The following SLIT2 variants were observed in gnomAD, a reference collection of about 807,000 sequenced individuals.
The protein encoded by SLIT2 is slit homolog 2 protein.
SLIT2 carries 41 observed loss-of-function variants against 185.7 expected under a neutral mutation model. The ratio of observed to expected loss-of-function variants is 0.22; its 90% CI spans 0.17 to 0.29. SLIT2 has a LOEUF of 0.29. Among genes scored for constraint, SLIT2 ranks in the 10% least tolerant of loss-of-function variants. SLIT2 has a pLI of 1.00. For synonymous variants in SLIT2, 693 were observed against 680.2 expected (o/e 1.02, Z -0.29); for missense variants, 1,571 against 1,909.0 (o/e 0.82, Z 3.30).
intron 11 of SLIT2, 68 bp downstream of exon 11, chr4:20,511,205 T>C (rs1719677313): frequency 1.1e-6 from 1 of 890,960 alleles, no homozygotes; most frequent in Non-Finnish European, 1.8e-6. Flanking sequence ...TTTTTTAAAT[T>C]GGGGTTTAAA....
intron 4 of SLIT2, among the ~76,000 whole-genome samples, chr4:20,395,623 C>T (rs1198347609): frequency 6.6e-6 from 1 of 151,774 alleles, no homozygotes; most frequent in Non-Finnish European, 1.5e-5. Flanking sequence ...AAATAGTATA[C>T]CAAAAAAGCA....
intron 1 of SLIT2, among the ~76,000 whole-genome samples, chr4:20,255,434 A>G (rs754834735): frequency 1.3e-5 from 2 of 152,148 alleles, no homozygotes; most frequent in Non-Finnish European, 2.9e-5. Context: ...GTGCCTTGTC[A>G]GGATTCGATC....
intron 29 of SLIT2, among the ~76,000 whole-genome samples, chr4:20,574,549 G>A (rs1725913924): frequency 6.6e-6 from 1 of 152,090 alleles, no homozygotes; most frequent in Non-Finnish European, 1.5e-5. Context: ...CATTTTGGGA[G>A]GCCGAGGCAG....
Position 20,385,387 on chromosome 4 carries a change from A to G in SLIT2, c.396-82365A>G, listed in dbSNP as rs192089166. Among the ~76,000 whole-genome samples, 4 of 152,266 alleles carry G rather than the reference A, an allele frequency of 2.6e-5. No individual in the cohort carries two copies. The East Asian group carries it at 7.7e-4, about 29-fold the overall frequency. On this transcript the variant is annotated intron_variant, in intron 4 of 36. Transcript: ENST00000504154. ...TAGTCTTGGTAGATGCTCAGTAAAT[A>G]TTTGTTAAATGAATTCATTAGGAGA...
At chr4:20,454,190 AACCTGT>A (rs1463220676) in intron 4 of SLIT2, among the ~76,000 whole-genome samples, 4 of 152,192 alleles carry the variant, frequency 2.6e-5, no homozygotes, top group Non-Finnish European at 4.4e-5. Context: ...CATGCTGCAT[AACCTGT>A]GTGGTACCTG....
At chr4:20,394,018 G>C (rs1725675641) in intron 4 of SLIT2, among the ~76,000 whole-genome samples, 1 of 151,974 alleles carries the variant, frequency 6.6e-6, no homozygotes, top group Non-Finnish European at 1.5e-5. Context: ...AGCTGGCCAT[G>C]GTGGTATTTT....
intron 4 of SLIT2, among the ~76,000 whole-genome samples, chr4:20,451,588 A>G (rs1175028545): frequency 2.0e-5 from 3 of 152,260 alleles, no homozygotes; most frequent in Non-Finnish European, 4.4e-5. Context: ...TCAAAAAGAT[A>G]TACTGAGACA....
chr4:20,342,508 G>A (rs1277778058), intron 4 of SLIT2, among the ~76,000 whole-genome samples: 1 of 151,814 alleles, frequency 6.6e-6, no homozygotes, highest in East Asian at 1.9e-4. Context: ...TTTGACTCAC[G>A]CTATTTCTAA....
At chr4:20,423,641 T>A (rs1728335249) in intron 4 of SLIT2, among the ~76,000 whole-genome samples, 2 of 152,146 alleles carry the variant, frequency 1.3e-5, no homozygotes, top group Non-Finnish European at 2.9e-5. Flanking sequence ...GGGACCTTTC[T>A]CTTAAACCTT....
intron 4 of SLIT2, among the ~76,000 whole-genome samples, chr4:20,377,944 A>G (rs1221616001): frequency 6.6e-6 from 1 of 152,198 alleles, no homozygotes; most frequent in African/African-American, 2.4e-5. Context: ...GAAATCAATA[A>G]TCACCATAAT....
At chr4:20,447,138 A>G (rs1711900287) in intron 4 of SLIT2, among the ~76,000 whole-genome samples, 1 of 152,056 alleles carries the variant, frequency 6.6e-6, no homozygotes, top group Non-Finnish European at 1.5e-5. Flanking sequence ...GAAAACATCA[A>G]CCCTCTTCCT....
rs1023780757 is a variant in SLIT2, at chr4:20,490,498, G to A, written c.776-1263G>A. Among the ~76,000 whole-genome samples the A allele has an allele frequency of 3.3e-5, 5 of 152,190 alleles. No homozygotes were observed. In the South Asian group the frequency reaches 8.3e-4, roughly 25 times the overall value. The stretch of plus-strand genomic sequence containing the variant: ...GGTTGGTTCTGCTTCAGCTTCAGAA[G>A]TATCTGTTCAAAATACAACAAAACA... On this transcript the variant is annotated intron_variant, in intron 8 of 36. Coordinates refer to ENST00000504154, the MANE Select transcript of SLIT2 (RefSeq NM_004787.4).
chr4:20,546,016 T>G lies in SLIT2; in HGVS notation c.2277-15T>G. 1 of 1,438,018 alleles carries G rather than the reference T, an allele frequency of 7.0e-7. No homozygotes were observed. The highest frequency in any genetic ancestry group is 9.7e-7 in the Non-Finnish European group (1 of 1,029,900). The allele number at this position is 1,438,018 out of a possible 1,614,324, so 89.1% of individuals were successfully genotyped here. On this transcript the variant is annotated splice_polypyrimidine_tract_variant and intron_variant, in intron 21 of 36. Coordinates refer to ENST00000504154, the MANE Select transcript of SLIT2 (RefSeq NM_004787.4). ...ATTACTTTGTAAGAAGATAATATTG[T>G]TCCATTGTTTTTAGGTATCTGGATG...
chr4:20,309,905 G>A (rs1717931531), intron 4 of SLIT2, among the ~76,000 whole-genome samples: 1 of 151,582 alleles, frequency 6.6e-6, no homozygotes, highest in African/African-American at 2.4e-5. Context: ...GACTACAGGC[G>A]CCCACCACCA....
chr4:20,530,454 T>C (rs1197061972), intron 16 of SLIT2, among the ~76,000 whole-genome samples: 1 of 152,094 alleles, frequency 6.6e-6, no homozygotes, highest in Non-Finnish European at 1.5e-5. Flanking sequence ...CAGCTAATTT[T>C]GTACTTTTTG....
At chr4:20,309,210 T>C (rs1287074967) in intron 4 of SLIT2, among the ~76,000 whole-genome samples, 1 of 152,188 alleles carries the variant, frequency 6.6e-6, no homozygotes, top group Non-Finnish European at 1.5e-5. Context: ...GTAATATTCT[T>C]ATTGCAATAA....
At chr4:20,415,410 C>CAAAAA (rs371123614) in intron 4 of SLIT2, among the ~76,000 whole-genome samples, 9 of 65,450 alleles carry the variant, frequency 1.4e-4, no homozygotes, top group Middle Eastern at 0.012. Flanking sequence ...GACTCCGTCT[C>CAAAAA]AAAAAAAAAA....
chr4:20,469,283 T>C (rs1002877950), intron 5 of SLIT2, among the ~76,000 whole-genome samples: 1 of 152,134 alleles, frequency 6.6e-6, no homozygotes, highest in African/African-American at 2.4e-5. Context: ...TTAGTAATGC[T>C]ATTTGCAGTC....
chr4:20,488,602 T>C (rs1717480109), intron 7 of SLIT2, among the ~76,000 whole-genome samples: 1 of 152,136 alleles, frequency 6.6e-6, no homozygotes, highest in African/African-American at 2.4e-5. Flanking sequence ...TAAAACATAA[T>C]TTTATGGACA....
Sources: allele counts gnomAD v4.1 joint callset (sites outside exome capture counted in the v4.1 genomes callset), GRCh38; gene constraint gnomAD v4.1.1; transcripts MANE v1.5; gene names NCBI Gene and HGNC (gene_info 2026-07-23, HGNC 2026-07-21).